EPHA3: variants seen among roughly 807,000 people sequenced by gnomAD.
EPHA3 encodes the protein EPH receptor A3, also known as ephrin type-A receptor 3.
In EPHA3, 42 loss-of-function variants were observed where a neutral mutation model predicts 107.1. The ratio of observed to expected loss-of-function variants is 0.39; its 90% CI spans 0.31 to 0.51. The LOEUF is 0.51. Ranked by LOEUF, EPHA3 falls within the 20% of genes least tolerant of loss-of-function variation. The pLI is 0.78. For synonymous variants in EPHA3, 461 were observed against 424.8 expected (o/e 1.09, Z -1.05); for missense variants, 1,183 against 1,211.2 (o/e 0.98, Z 0.35).
intron 2 of EPHA3, among the ~76,000 whole-genome samples, chr3:89,175,389 G>A (rs1464121067): frequency 6.6e-6 from 1 of 152,076 alleles, no homozygotes; most frequent in Non-Finnish European, 1.5e-5. Flanking sequence ...ACTACAAGCT[G>A]TAGTTAACTT....
At chr3:89,156,625 T>A (rs1704813029) in intron 2 of EPHA3, among the ~76,000 whole-genome samples, 1 of 151,784 alleles carries the variant, frequency 6.6e-6, no homozygotes, top group South Asian at 2.1e-4. Flanking sequence ...GCGTTTGCCA[T>A]TTTTTTTCTT....
intron 11 of EPHA3, among the ~76,000 whole-genome samples, chr3:89,422,500 C>G (rs1056690572): frequency 2.6e-5 from 4 of 151,350 alleles, no homozygotes; most frequent in Non-Finnish European, 5.9e-5. Flanking sequence ...CTGAGAACTC[C>G]TACAAATCAG....
intron 3 of EPHA3, among the ~76,000 whole-genome samples, chr3:89,215,280 C>A (rs541326261): frequency 6.6e-6 from 1 of 151,798 alleles, no homozygotes; most frequent in Admixed American, 6.6e-5. Context: ...TACTGGAAAT[C>A]TGTGATCAAA....
rs532247965 is a variant in EPHA3 at position 89,301,914 on chromosome 3, C to T, written c.815-39002C>T. Among the ~76,000 whole-genome samples, 5 of 152,082 alleles carry T rather than the reference C, an allele frequency of 3.3e-5. No individual in the cohort carries two copies. In the South Asian group the frequency reaches 1.0e-3, roughly 32 times the overall value. On this transcript the variant is annotated intron_variant, in intron 3 of 16. Transcript: ENST00000336596. ...GGAAACTGAAACCAATGTGATATGG[C>T]TATTTTTTGAATACTAACCTTTTAA...
chr3:89,459,160 G>C (rs986995905), intron 15 of EPHA3, among the ~76,000 whole-genome samples: 4 of 151,980 alleles, frequency 2.6e-5, no homozygotes, highest in Non-Finnish European at 5.9e-5. Flanking sequence ...CAAACCTGCA[G>C]GTTCAACACA....
At chr3:89,475,219 T>C (rs1259078501) in intron 16 of EPHA3, among the ~76,000 whole-genome samples, 2 of 152,206 alleles carry the variant, frequency 1.3e-5, no homozygotes, top group Admixed American at 6.5e-5. Flanking sequence ...ATAAATGCTG[T>C]AAAATATTGA....
chr3:89,280,652 GTATT>G (rs1705922482), intron 3 of EPHA3, among the ~76,000 whole-genome samples: 1 of 152,106 alleles, frequency 6.6e-6, no homozygotes, highest in African/African-American at 2.4e-5. Flanking sequence ...CATCTGCACT[GTATT>G]TATGCATGTT....
chr3:89,356,026 T>C (rs887168906), intron 5 of EPHA3, among the ~76,000 whole-genome samples: 36 of 124,470 alleles, frequency 2.9e-4, no homozygotes, highest in African/African-American at 9.6e-4. Context: ...ATGTTCCCCT[T>C]CCTGTGTCCA....
intron 9 of EPHA3, among the ~76,000 whole-genome samples, chr3:89,410,204 G>T (rs764005548): frequency 1.3e-5 from 2 of 151,894 alleles, no homozygotes; most frequent in African/African-American, 2.4e-5. Context: ...GGATGGAAAA[G>T]AAATTCACCT....
intron 3 of EPHA3, among the ~76,000 whole-genome samples, chr3:89,295,981 C>G (rs1706345339): frequency 6.6e-6 from 1 of 152,192 alleles, no homozygotes. Flanking sequence ...CCATAAGAAG[C>G]AACTCCTCAT....
chr3:89,183,386 T>G (rs1576211273), intron 2 of EPHA3, among the ~76,000 whole-genome samples: 1 of 152,048 alleles, frequency 6.6e-6, no homozygotes, highest in African/African-American at 2.4e-5. Context: ...TCTGTAAGAT[T>G]TGGTCTTTTC....
intron 5 of EPHA3, among the ~76,000 whole-genome samples, chr3:89,350,991 C>G (rs1447879817): frequency 6.6e-6 from 1 of 151,518 alleles, no homozygotes; most frequent in East Asian, 1.9e-4. Context: ...TCTCCAGCTG[C>G]GTGTTGGGAG....
At chr3:89,323,589 AC>A (rs1376632744) in intron 3 of EPHA3, among the ~76,000 whole-genome samples, 1 of 152,100 alleles carries the variant, frequency 6.6e-6, no homozygotes, top group Non-Finnish European at 1.5e-5. Flanking sequence ...TTATTAGCCA[AC>A]AACAACAAAA....
At chr3:89,306,083 C>G (rs1052025851) in intron 3 of EPHA3, among the ~76,000 whole-genome samples, 13 of 152,072 alleles carry the variant, frequency 8.5e-5, no homozygotes, top group African/African-American at 3.1e-4. Context: ...ATTGCCAGTG[C>G]TTTCTGATTG....
intron 5 of EPHA3, among the ~76,000 whole-genome samples, chr3:89,387,855 A>T (rs1415083014): frequency 2.6e-5 from 4 of 152,168 alleles, no homozygotes; most frequent in African/African-American, 9.7e-5. Flanking sequence ...AAAGGATAAG[A>T]TTATAAATTA....
At chr3:89,292,004 C>T (rs919364256) in intron 3 of EPHA3, among the ~76,000 whole-genome samples, 2 of 152,044 alleles carry the variant, frequency 1.3e-5, no homozygotes, top group Admixed American at 6.6e-5. Context: ...GCTCCAGTGC[C>T]CAATGAAACT....
intron 3 of EPHA3, among the ~76,000 whole-genome samples, chr3:89,239,814 CAG>C (rs1306066420): frequency 2.0e-5 from 3 of 152,192 alleles, no homozygotes; most frequent in African/African-American, 7.2e-5. Context: ...ACTTACATCA[CAG>C]AGAGTTTCAT....
intron 2 of EPHA3, among the ~76,000 whole-genome samples, chr3:89,190,381 A>C (rs1471580952): frequency 6.6e-6 from 1 of 152,226 alleles, no homozygotes; most frequent in Non-Finnish European, 1.5e-5. Flanking sequence ...AGAACAATAT[A>C]TCTACCAATT....
intron 3 of EPHA3, among the ~76,000 whole-genome samples, chr3:89,222,047 A>G (rs1415101698): frequency 6.6e-6 from 1 of 151,930 alleles, no homozygotes; most frequent in Non-Finnish European, 1.5e-5. Flanking sequence ...TCTGGCCTTT[A>G]TTTTCTAGGC....
Sources: gnomAD v4.1 joint callset for allele counts (sites outside exome capture counted in the v4.1 genomes callset) on GRCh38, gnomAD v4.1.1 for gene constraint, MANE v1.5 for transcripts, NCBI Gene and HGNC (gene_info 2026-07-23, HGNC 2026-07-21) for gene names.